Variants in TBC1D12 observed in about 807,000 individuals in gnomAD.
TBC1D12 encodes the protein TBC1 domain family, member 12.
A neutral mutation model predicts 86.7 loss-of-function variants in TBC1D12; 56 were observed. The observed-to-expected ratio is 0.65, with a 90% CI of 0.52 to 0.81. TBC1D12 has a LOEUF of 0.81. Among genes scored for constraint, TBC1D12 ranks in the 30% least tolerant of loss-of-function variants. TBC1D12 has a pLI of 0.00. For synonymous variants in TBC1D12, 421 were observed against 411.7 expected (o/e 1.02, Z -0.27); for missense variants, 1,023 against 1,038.8 (o/e 0.98, Z 0.21).
At position 94,426,827 on chromosome 10, in the gene TBC1D12, C is replaced by T. The variant is rs182659384; in HGVS notation, c.972-15069C>T. On this transcript the variant is annotated intron_variant, in intron 1 of 12. Coordinates refer to ENST00000225235, the MANE Select transcript of TBC1D12 (RefSeq NM_015188.2). Reference sequence around the variant, plus strand: ...TCCTGACCTCTTGATCCACCCACTTCGGCCTTGCAAAGTGCTGGGATTACA... The same window carrying T: ...TCCTGACCTCTTGATCCACCCACTTTGGCCTTGCAAAGTGCTGGGATTACA... Among the ~76,000 whole-genome samples, 167 of 152,290 alleles carry T rather than the reference C, an allele frequency of 1.1e-3. 3 individuals are homozygous for T. The highest frequency in any genetic ancestry group is 3.4e-4 in the Non-Finnish European group (23 of 68,028).
intron 3 of TBC1D12, 45 bp downstream of exon 3, chr10:94,474,828 GTTAAA>G (rs113513227): frequency 2.7e-6 from 4 of 1,508,656 alleles, no homozygotes; most frequent in African/African-American, 2.8e-5. Context: ...ATATTTTAAA[GTTAAA>G]TTTAATTTTG....
chr10:94,528,763 A>C (rs1173114212), intron 11 of TBC1D12, among the ~76,000 whole-genome samples: 1 of 151,492 alleles, frequency 6.6e-6, no homozygotes, highest in African/African-American at 2.4e-5. Flanking sequence ...CAGAGGTTGC[A>C]GTGAGCCGAG....
chr10:94,512,807 A>G (rs1050685169), intron 9 of TBC1D12, among the ~76,000 whole-genome samples: 1 of 152,266 alleles, frequency 6.6e-6, no homozygotes, highest in Non-Finnish European at 1.5e-5. Flanking sequence ...TCTCTTACTC[A>G]GGTATTCTGT....
At chr10:94,448,930 G>A (rs2055510135) in intron 2 of TBC1D12, among the ~76,000 whole-genome samples, 1 of 152,098 alleles carries the variant, frequency 6.6e-6, no homozygotes, top group African/African-American at 2.4e-5. Context: ...ATGCATTTCT[G>A]TGTATAAATG....
chr10:94,509,869 T>C lies in TBC1D12; in HGVS notation c.1601-222T>C, dbSNP rs1192744024. 8.9e-6 allele frequency: 4 copies of C among 448,360 alleles called. No individual in the cohort carries two copies. In the East Asian group the frequency reaches 1.4e-4, roughly 16 times the overall value. The allele number at this position is 448,360 out of a possible 1,614,324, so 27.8% of individuals were successfully genotyped here. A position where few individuals can be genotyped will look rare whatever the true frequency, so the allele number is the denominator to read the frequency against. On this transcript the variant is annotated intron_variant, in intron 7 of 12. Coordinates refer to ENST00000225235, the MANE Select transcript of TBC1D12 (RefSeq NM_015188.2). ...CCCATATCTTCTGTAAAAACTGGAA[T>C]TAGAAATCCTTTACCATATAACTTT...
At position 94,402,648 on chromosome 10, in the gene TBC1D12, G is replaced by C. The variant is rs2054782083; in HGVS notation, c.35G>C (p.Gly12Ala). Residue 12 changes from glycine (G) to alanine (A), a missense_variant, in exon 1 of 13, where the codon GGA becomes GCA. By Grantham distance (60) the Gly-to-Ala change is moderately conservative. Coordinates refer to ENST00000225235, the MANE Select transcript of TBC1D12 (RefSeq NM_015188.2). ...VGPEDAGACS[G>A]RNPKLLPVPA... is the part of the protein sequence containing the mutation. ...CCGGAGGATGCCGGAGCCTGCTCGG[G>C]AAGAAACCCCAAGTTGCTCCCGGTG... is the stretch of plus-strand genomic sequence containing the variant. The C allele has an allele frequency of 6.2e-7, 1 of 1,611,726 alleles. No homozygotes were observed. The highest frequency in any genetic ancestry group is 8.5e-7 in the Non-Finnish European group (1 of 1,179,598).
rs541196996 is a variant in TBC1D12 at position 94,534,624 on chromosome 10, T to C, written c.*1528T>C. On this transcript the variant is annotated 3_prime_UTR_variant, in exon 13 of 13. Coordinates refer to ENST00000225235, the MANE Select transcript of TBC1D12 (RefSeq NM_015188.2). The stretch of plus-strand genomic sequence containing the variant: ...AATCATTATTTGATGAATTCTTTCA[T>C]TGTAACATAGGGAGTCATTTTCAAA... The C allele has an allele frequency of 3.9e-5, 6 of 152,342 alleles. No individual in the cohort carries two copies. The highest frequency in any genetic ancestry group is 1.2e-4 in the African/African-American group (5 of 41,580). 9.4% of individuals were successfully genotyped at this position (152,342 alleles called of 1,614,324 possible).
chr10:94,419,275 A>G (rs1027156614), intron 1 of TBC1D12, among the ~76,000 whole-genome samples: 6 of 152,218 alleles, frequency 3.9e-5, no homozygotes, highest in African/African-American at 1.4e-4. Flanking sequence ...TATTTAATGT[A>G]TATTAAAGTA....
intron 1 of TBC1D12, among the ~76,000 whole-genome samples, chr10:94,415,632 G>T (rs1020300125): frequency 6.6e-6 from 1 of 152,168 alleles, no homozygotes; most frequent in African/African-American, 2.4e-5. Flanking sequence ...TACTCGGGAG[G>T]CTGAGGCAGG....
chr10:94,458,293 G>A (rs953701330), intron 2 of TBC1D12, among the ~76,000 whole-genome samples: 44 of 152,224 alleles, frequency 2.9e-4, no homozygotes, highest in African/African-American at 6.5e-4. Context: ...GCCCCTCACC[G>A]CATGATGCTC....
At chr10:94,520,683 C>T (rs970081759) in intron 9 of TBC1D12, among the ~76,000 whole-genome samples, 2 of 151,412 alleles carry the variant, frequency 1.3e-5, no homozygotes, top group Admixed American at 6.6e-5. Context: ...TTTTTGAGAC[C>T]GAGTCTCGCT....
intron 2 of TBC1D12, among the ~76,000 whole-genome samples, chr10:94,446,016 C>G (rs912482919): frequency 6.6e-6 from 1 of 151,952 alleles, no homozygotes; most frequent in Admixed American, 6.6e-5. Flanking sequence ...TCTACTATCT[C>G]TGCTTCAATG....
chr10:94,500,354 C>A, intron 6 of TBC1D12, 27 bp downstream of exon 6: 1 of 1,590,904 alleles, frequency 6.3e-7, no homozygotes, highest in East Asian at 2.3e-5. Flanking sequence ...CAGTTATTCC[C>A]ACATGTACAA....
At chr10:94,455,174 GATTAA>G (rs987993495) in intron 2 of TBC1D12, among the ~76,000 whole-genome samples, 2 of 151,820 alleles carry the variant, frequency 1.3e-5, no homozygotes, top group African/African-American at 4.8e-5. Context: ...TGATGCAATT[GATTAA>G]ATTAATTGAT....
intron 2 of TBC1D12, among the ~76,000 whole-genome samples, chr10:94,473,382 GA>G (rs201252877): frequency 0.013 from 1,946 of 144,634 alleles, 31 homozygotes; most frequent in African/African-American, 0.043. Context: ...AGAAGAAAAA[GA>G]AAAAAAAAAG....
In TBC1D12 at chr10:94,402,690, T is replaced by C. The variant is rs767164988; in HGVS notation, c.77T>C (p.Val26Ala). 1.4e-5 allele frequency: 23 copies of C among 1,602,362 alleles called. No individual in the cohort carries two copies. The highest frequency in any genetic ancestry group is 1.9e-5 in the Non-Finnish European group (22 of 1,175,128). ...KLLPVPAPDP[V>A]GQDRKVIRAT... is the part of the protein sequence containing the mutation. ...CTCCCGGTGCCTGCGCCGGACCCCG[T>C]GGGCCAGGACAGGAAGGTAATCCGG... is the stretch of plus-strand genomic sequence containing the variant. Residue 26 changes from valine (V) to alanine (A), a missense_variant, in exon 1 of 13, where the codon GTG becomes GCG. Physicochemically the swap from Val to Ala is moderately conservative, Grantham distance 64. This residue lies in a region of TBC1D12 where 628 missense variants were observed against 531.1 expected (regional missense o/e 1.18). Transcript: ENST00000225235.
chr10:94,521,716 C>CT (rs762667578), intron 9 of TBC1D12, among the ~76,000 whole-genome samples: 78 of 152,052 alleles, frequency 5.1e-4, no homozygotes, highest in Non-Finnish European at 9.4e-4. Context: ...AAATCTGATA[C>CT]TTTTTTGTTT....
chr10:94,487,324 GGTAA>G (rs2056179337), intron 3 of TBC1D12, among the ~76,000 whole-genome samples: 1 of 146,072 alleles, frequency 6.8e-6, no homozygotes, highest in Non-Finnish European at 1.5e-5. Flanking sequence ...CAGTGTTATT[GGTAA>G]GTAAGAACTT....
chr10:94,464,606 C>T (rs951739287), intron 2 of TBC1D12, among the ~76,000 whole-genome samples: 1 of 152,214 alleles, frequency 6.6e-6, no homozygotes, highest in Non-Finnish European at 1.5e-5. Flanking sequence ...GCTAGGACTA[C>T]AGGCACATAC....
Sources: gnomAD v4.1 joint callset for allele counts (sites outside exome capture counted in the v4.1 genomes callset) on GRCh38, gnomAD v4.1.1 for gene constraint, gnomAD v4.1.1 regional missense constraint, MANE v1.5 for transcripts, NCBI Gene and HGNC (gene_info 2026-07-23, HGNC 2026-07-21) for gene names.